Variants in DTL observed in about 807,000 individuals in gnomAD.
DTL encodes denticleless E3 ubiquitin protein ligase adapter.
DTL carries 46 observed loss-of-function variants against 87.0 expected under a neutral mutation model. The ratio of observed to expected loss-of-function variants is 0.53; its 90% CI spans 0.42 to 0.68. The LOEUF (loss-of-function observed/expected upper bound fraction) is 0.68. Among genes scored for constraint, DTL ranks in the 30% least tolerant of loss-of-function variants. The pLI, the probability that DTL is intolerant of heterozygous loss-of-function variation, is 0.00. For missense variants in DTL, 737 were observed against 869.4 expected (o/e 0.85, Z 1.91); for synonymous variants, 308 against 311.2 (o/e 0.99, Z 0.11).
chr1:212,051,621 T>G (rs924894800), intron 5 of DTL: 13 of 826,772 alleles, frequency 1.6e-5, no homozygotes, highest in Non-Finnish European at 2.2e-5. Context: ...AGGCTGGCGC[T>G]TTAGTTGAAC....
chr1:212,072,223 T>C lies in DTL; in HGVS notation c.1035+10T>C, dbSNP rs757095816. The C allele has an allele frequency of 3.1e-6, 5 of 1,590,408 alleles. 1 individual carries two copies. Among genetic ancestry groups the C allele is most frequent in the South Asian group, 2.2e-5 (2 of 90,578 alleles). The stretch of plus-strand genomic sequence containing the variant: ...TGCCTACATATGGAAGGTAAGTTGC[T>C]AAACTTCACCCACAAGTGTTAGACT... On this transcript the variant is annotated intron_variant, in intron 11 of 14. Coordinates refer to ENST00000366991, the MANE Select transcript of DTL (RefSeq NM_016448.4).
chr1:212,062,277 G>C (rs1654349713), intron 5 of DTL, among the ~76,000 whole-genome samples: 1 of 152,080 alleles, frequency 6.6e-6, no homozygotes, highest in African/African-American at 2.4e-5. Context: ...TTTTTTTCTG[G>C]CTTAATTTTA....
chr1:212,041,054 G>A (rs1444380029), intron 1 of DTL, among the ~76,000 whole-genome samples: 1 of 152,130 alleles, frequency 6.6e-6, no homozygotes, highest in Non-Finnish European at 1.5e-5. Context: ...TAACTCCAGG[G>A]GCTTAAGTTG....
chr1:212,065,359 T>A (rs1412515923), intron 7 of DTL, among the ~76,000 whole-genome samples: 2 of 152,158 alleles, frequency 1.3e-5, no homozygotes, highest in Non-Finnish European at 2.9e-5. Context: ...TTTTTTTTTT[T>A]ACAATTTCAA....
intron 1 of DTL, among the ~76,000 whole-genome samples, chr1:212,041,385 G>C (rs1482035530): frequency 2.0e-5 from 3 of 150,116 alleles, no homozygotes; most frequent in Admixed American, 6.6e-5. Flanking sequence ...TTTTGCAGTT[G>C]ATTTTTTTTT....
intron 2 of DTL, among the ~76,000 whole-genome samples, 161 bp downstream of exon 2, chr1:212,043,279 T>C (rs1332549869): frequency 6.6e-6 from 1 of 152,218 alleles, no homozygotes; most frequent in Admixed American, 6.5e-5. Flanking sequence ...AATAGACTTT[T>C]CTTAATCTCT....
chr1:212,062,827 A>G, intron 5 of DTL, 57 bp from the exon 6 acceptor site: 9 of 1,392,442 alleles, frequency 6.5e-6, no homozygotes, highest in Non-Finnish European at 9.2e-6. Flanking sequence ...AAACTGAAAT[A>G]TATGTGTCAT....
intron 5 of DTL, among the ~76,000 whole-genome samples, chr1:212,054,167 C>G (rs1378292943): frequency 2.0e-5 from 3 of 151,986 alleles, no homozygotes; most frequent in Non-Finnish European, 4.4e-5. Context: ...TTTCTCTTGC[C>G]CATATGGTAC....
At position 212,035,872 on chromosome 1, in the gene DTL, G is replaced by T. The variant is rs1265298673; in HGVS notation, c.-19G>T. ...TTTCTACGACTTTTCTCTCAGCTGA[G>T]GCTTTTCCTCCGACCCTGATGCTCT... On this transcript the variant is annotated 5_prime_UTR_variant, in exon 1 of 15. In the 5' UTR this introduces an upstream ATG that the reference lacks. Coordinates refer to ENST00000366991, the MANE Select transcript of DTL (RefSeq NM_016448.4). 2 of 1,613,860 alleles carry T rather than the reference G, an allele frequency of 1.2e-6. No homozygotes were observed. Among genetic ancestry groups the T allele is most frequent in the African/African-American group, 1.3e-5 (1 of 74,916 alleles).
rs1654687589 is a variant in DTL at position 212,071,998 on chromosome 1, G to T, written c.923-103G>T. 1.4e-5 allele frequency: 11 copies of T among 774,686 alleles called. No homozygotes were observed. The South Asian group carries it at 1.8e-4, about 13-fold the overall frequency. 48.0% of individuals were successfully genotyped at this position (774,686 alleles called of 1,614,324 possible). On this transcript the variant is annotated intron_variant, in intron 10 of 14. Transcript: ENST00000366991. ...TAAAGCTAGATCATCTGCTTCAATA[G>T]GCAATACAGTGATAAAACTTGTTAG...
chr1:212,042,911 A>G (rs1246803321), intron 1 of DTL, 82 bp from the exon 2 acceptor site: 9 of 1,352,714 alleles, frequency 6.7e-6, no homozygotes, highest in Non-Finnish European at 9.0e-6. Flanking sequence ...TTTCTTAAGG[A>G]CAAATATTTA....
chr1:212,092,960 T>C lies in DTL; in HGVS notation c.1262-7292T>C, dbSNP rs150311129. Among the ~76,000 whole-genome samples the C allele has an allele frequency of 7.7e-4, 118 of 152,304 alleles. 1 individual carries two copies. Among genetic ancestry groups the C allele is most frequent in the African/African-American group, 2.7e-3 (111 of 41,574 alleles). On this transcript the variant is annotated intron_variant, in intron 13 of 14. Coordinates refer to ENST00000366991, the MANE Select transcript of DTL (RefSeq NM_016448.4). ...CTTGCAGGAGTAAGGTGGTATTGCA[T>C]TGTGGTTTTTATTTACATTTCCCTG...
chr1:212,066,928 T>TAAAA, intron 8 of DTL, 43 bp downstream of exon 8: 1 of 1,522,914 alleles, frequency 6.6e-7, no homozygotes, highest in Non-Finnish European at 9.1e-7. Flanking sequence ...ATCTTTTTTA[T>TAAAA]GAGATTGTGA....
At chr1:212,083,953 T>C (rs994548009) in intron 13 of DTL, among the ~76,000 whole-genome samples, 3 of 152,224 alleles carry the variant, frequency 2.0e-5, no homozygotes, top group Admixed American at 6.5e-5. Context: ...CAAACTGTCT[T>C]ATCTTTAAGC....
chr1:212,046,534 A>T (rs902550283), intron 3 of DTL, among the ~76,000 whole-genome samples: 1 of 151,598 alleles, frequency 6.6e-6, no homozygotes, highest in Non-Finnish European at 1.5e-5. Flanking sequence ...GAGTGAGAAC[A>T]TACGGTGTTT....
At chr1:212,063,666 T>C (rs1654403735) in intron 6 of DTL, among the ~76,000 whole-genome samples, 1 of 152,202 alleles carries the variant, frequency 6.6e-6, no homozygotes, top group African/African-American at 2.4e-5. Context: ...ACGATGATTA[T>C]CTCACTGTTC....
Position 212,101,035 on chromosome 1 carries a change from C to A in DTL, c.2045C>A (p.Ser682Tyr). 1 of 1,613,524 alleles carries A rather than the reference C, an allele frequency of 6.2e-7. No individual in the cohort carries two copies. Among genetic ancestry groups the A allele is most frequent in the Non-Finnish European group, 8.5e-7 (1 of 1,179,704 alleles). The change falls in exon 14 of 15, where the codon TCC becomes TAC. Residue 682 changes from serine to tyrosine, a missense_variant. By Grantham distance (144) the Ser-to-Tyr change is moderately radical. Transcript: ENST00000366991. ...AATCCATCTCCACGAAGTCCGTCATCCCAGACACCCAATTCCAGGAGACAG... is the reference window on the plus strand; with the variant it reads ...AATCCATCTCCACGAAGTCCGTCATACCAGACACCCAATTCCAGGAGACAG... ...AENPSPRSPSSQTPNSRRQSG... is the reference protein window; with the variant it reads ...AENPSPRSPSYQTPNSRRQSG...
chr1:212,044,897 AG>A lies in DTL; in HGVS notation c.277+140del, dbSNP rs542461061. The A allele has an allele frequency of 1.0e-5, 6 of 595,206 alleles. No individual in the cohort carries two copies. The South Asian group carries it at 1.5e-4, about 15-fold the overall frequency. The allele number at this position is 595,206 out of a possible 1,614,324, so 36.9% of individuals were successfully genotyped here. ...ATAACTGAGACTGGGTAGTTTATAT[AG>A]AAAAAGTTTACTTGGTGTGTGATTC... is the stretch of plus-strand genomic sequence containing the variant. On this transcript the variant is annotated intron_variant, in intron 3 of 14. Transcript: ENST00000366991.
chr1:212,091,328 A>G (rs552414622), intron 13 of DTL, among the ~76,000 whole-genome samples: 2 of 152,354 alleles, frequency 1.3e-5, no homozygotes, highest in Non-Finnish European at 2.9e-5. Flanking sequence ...ATGTGGAGAA[A>G]AGGGAACCCT....
Sources: gnomAD v4.1 joint callset for allele counts (sites outside exome capture counted in the v4.1 genomes callset) on GRCh38, gnomAD v4.1.1 for gene constraint, MANE v1.5 for transcripts, NCBI Gene and HGNC (gene_info 2026-07-23, HGNC 2026-07-21) for gene names.